Variants in ADSL observed in about 807,000 individuals in gnomAD.
The protein encoded by ADSL is adenylosuccinate lyase, also known as adenylosuccinase.
ADSL carries 44 observed loss-of-function variants against 62.1 expected under a neutral mutation model. That is an observed-to-expected ratio of 0.71 (90% CI 0.56 to 0.91). The LOEUF (loss-of-function observed/expected upper bound fraction) is 0.91, where lower values mean the gene tolerates loss of function less well. Among genes scored for constraint, ADSL ranks in the 40% least tolerant of loss-of-function variants. ADSL has a pLI of 0.00. For missense variants in ADSL, 531 were observed against 627.4 expected (o/e 0.85, Z 1.64); for synonymous variants, 198 against 220.5 (o/e 0.90, Z 0.90).
intron 2 of ADSL, 87 bp downstream of exon 2, chr22:40,350,122 A>T: frequency 1.5e-6 from 2 of 1,297,278 alleles, no homozygotes; most frequent in Admixed American, 3.9e-5. Context: ...TGAGGAAGTG[A>T]CACTATAGAT....
chr22:40,358,412 C>T (rs868668074), intron 4 of ADSL, among the ~76,000 whole-genome samples: 20 of 152,070 alleles, frequency 1.3e-4, no homozygotes, highest in Middle Eastern at 3.4e-3. Context: ...AGTGAGACCC[C>T]GTCACTACAA....
intron 2 of ADSL, among the ~76,000 whole-genome samples, chr22:40,350,837 T>A (rs1472208938): frequency 6.6e-6 from 1 of 151,978 alleles, no homozygotes; most frequent in Non-Finnish European, 1.5e-5. Flanking sequence ...GTCAGGCTGG[T>A]CTTGAACTCC....
At chr22:40,372,257 G>T (rs1483896765), downstream of ADSL, among the ~76,000 whole-genome samples, 1 of 151,432 alleles carries the variant, frequency 6.6e-6, no homozygotes, top group Non-Finnish European at 1.5e-5. Context: ...CTCCCGAGTA[G>T]CTGGGACTAT....
At chr22:40,382,969 T>C (rs17001869) in intron 2 of ADSL, among the ~76,000 whole-genome samples, 3,506 of 152,310 alleles carry the variant, frequency 0.023, 131 homozygotes, top group African/African-American at 0.081. Context: ...TGAAGGTAGA[T>C]TTCTTCAGAA....
intron 2 of ADSL, 102 bp downstream of exon 2, chr22:40,350,137 T>TC: frequency 8.4e-7 from 1 of 1,184,264 alleles, no homozygotes; most frequent in East Asian, 2.4e-5. Flanking sequence ...ATAGATCTTT[T>TC]TTTTTTTTTT....
rs2044942817 is a variant in ADSL at position 40,364,946 on chromosome 22, G to A, written c.1258G>A (p.Asp420Asn). The part of the protein sequence containing the change: ...AASVVKQEGG[D>N]NDLIERIQVD... ...TTCTGTGGTTAAGCAGGAAGGGGGT[G>A]ACAATGACCTCATAGAGCGTATCCA... Residue 420 changes from aspartate to asparagine, a missense_variant, in exon 12 of 13, where the codon GAC (aspartate) becomes AAC (asparagine). Physicochemically the swap from Asp to Asn is conservative, Grantham distance 23 (BLOSUM62 1). Around this residue, in one of 2 missense-constraint regions of ADSL, gnomAD observed 471 missense variants for 592.9 expected, o/e 0.79. Coordinates refer to ENST00000623063, the MANE Select transcript of ADSL (RefSeq NM_000026.4). 6.2e-7 allele frequency: 1 copy of A among 1,614,192 alleles called. No individual in the cohort carries two copies. Among genetic ancestry groups the A allele is most frequent in the Non-Finnish European group, 8.5e-7 (1 of 1,180,036 alleles).
At chr22:40,384,880 T>G (rs962923110) in intron 2 of ADSL, among the ~76,000 whole-genome samples, 2 of 152,208 alleles carry the variant, frequency 1.3e-5, no homozygotes, top group African/African-American at 4.8e-5. Context: ...TGGCTAGAGA[T>G]AGAGATTTGT....
chr22:40,346,522 C>T lies in ADSL; in HGVS notation c.-37C>T, dbSNP rs372357778. 5 of 1,585,756 alleles carry T rather than the reference C, an allele frequency of 3.2e-6. No homozygotes were observed. Among genetic ancestry groups the T allele is most frequent in the Non-Finnish European group, 3.4e-6 (4 of 1,170,288 alleles). On this transcript the variant is annotated 5_prime_UTR_variant, in exon 1 of 13. Transcript: ENST00000623063. ...TCCAGGTTTCCGCTTCCGCTCTTCC[C>T]TGGTCCAGTCCACCCTGGCGGGGTC...
At chr22:40,364,475 A>G in intron 11 of ADSL, 110 bp downstream of exon 11, 1 of 946,438 alleles carries the variant, frequency 1.1e-6, no homozygotes, top group Non-Finnish European at 1.7e-6. Context: ...CTTCAGTCAC[A>G]GTAATGGTAC....
intron 5 of ADSL, 73 bp downstream of exon 5, chr22:40,359,108 T>G (rs2044672213): frequency 1.9e-5 from 30 of 1,602,916 alleles, no homozygotes; most frequent in Middle Eastern, 3.3e-4. Flanking sequence ...CCTTTGAGGA[T>G]GATAGGAGAG....
rs1334487344 is a variant in ADSL at position 40,369,254 on chromosome 22, G to A, written c.*2732G>A. 1 of 152,010 alleles carries A rather than the reference G, an allele frequency of 6.6e-6. No homozygotes were observed. The highest frequency in any genetic ancestry group is 1.9e-4 in the East Asian group (1 of 5,194). The allele number at this position is 152,010 out of a possible 1,614,324, so 9.4% of individuals were successfully genotyped here. A position where few individuals can be genotyped will look rare whatever the true frequency, so the allele number is the denominator to read the frequency against. Reference sequence around the variant, plus strand: ...TCTTCCTGGACTATTTGAATGGGTGGATTTGTTGGTGCATCTCTTGTCTTC... The same window carrying A: ...TCTTCCTGGACTATTTGAATGGGTGAATTTGTTGGTGCATCTCTTGTCTTC... On this transcript the variant is annotated 3_prime_UTR_variant, in exon 13 of 13. Transcript: ENST00000623063.
rs2146667709 is a variant in ADSL, at chr22:40,362,994, GC to G, written c.1026del (p.Glu343ArgfsTer10). The G allele has an allele frequency of 6.2e-7, 1 of 1,614,008 alleles. No individual in the cohort carries two copies. Among genetic ancestry groups the G allele is most frequent in the Non-Finnish European group, 8.5e-7 (1 of 1,179,908 alleles). On this transcript the variant is annotated frameshift_variant, in exon 10 of 13. Transcript: ENST00000623063. LOFTEE classifies it high-confidence loss of function. The part of the protein sequence containing the change: ...DDSANRRICL[A>X]EAFLTADTIL... The stretch of plus-strand genomic sequence containing the variant: ...TTTGTTTTCTAGACGGATCTGTTTG[GC>G]CGAGGCATTTCTTACCGCAGATACT...
Position 40,366,833 on chromosome 22 carries a change from T to C in ADSL, c.*311T>C. 2.8e-6 allele frequency: 1 copy of C among 354,702 alleles called. No homozygotes were observed. Among genetic ancestry groups the C allele is most frequent in the South Asian group, 2.5e-5 (1 of 40,660 alleles). 22.0% of individuals were successfully genotyped at this position (354,702 alleles called of 1,614,324 possible). ...CATTTGCTTGTAAAGTAGCAAGAAA[T>C]TTCTGGTCCTGTCTTCTAAAAGTGA... On this transcript the variant is annotated 3_prime_UTR_variant, in exon 13 of 13. Transcript: ENST00000623063.
intron 2 of ADSL, among the ~76,000 whole-genome samples, chr22:40,382,563 T>G (rs976688142): frequency 6.6e-6 from 1 of 152,152 alleles, no homozygotes; most frequent in African/African-American, 2.4e-5. Context: ...GGGAACAAGG[T>G]GAAAATGCAT....
intron 12 of ADSL, among the ~76,000 whole-genome samples, chr22:40,365,971 C>T (rs1258621223): frequency 6.6e-6 from 1 of 151,914 alleles, no homozygotes; most frequent in Admixed American, 6.6e-5. Flanking sequence ...GCAGTACGTG[C>T]AAGGACTGAG....
downstream of ADSL, among the ~76,000 whole-genome samples, chr22:40,370,184 A>G (rs1400361154): frequency 2.0e-5 from 3 of 151,952 alleles, no homozygotes; most frequent in Non-Finnish European, 4.4e-5. Flanking sequence ...TACTAAAAAT[A>G]CTGTACTAAA....
intron 2 of ADSL, among the ~76,000 whole-genome samples, chr22:40,386,024 T>TG (rs1288988617): frequency 1.4e-5 from 2 of 141,172 alleles, no homozygotes; most frequent in Non-Finnish European, 3.1e-5. Context: ...GCTAATTTTT[T>TG]GTTTTTTTTT....
chr22:40,354,145 A>T, intron 3 of ADSL, 103 bp from the exon 4 acceptor site: 1 of 1,019,410 alleles, frequency 9.8e-7, no homozygotes, highest in Non-Finnish European at 1.6e-6. Context: ...TTCATGAGTT[A>T]GCGGTCTAAT....
At chr22:40,350,447 T>C (rs556052917) in intron 2 of ADSL, 2 of 187,322 alleles carry the variant, frequency 1.1e-5, no homozygotes, top group Non-Finnish European at 2.2e-5. Flanking sequence ...TTTAAAGGTA[T>C]CTTGGTTGAA....
Sources: allele counts gnomAD v4.1 joint callset (sites outside exome capture counted in the v4.1 genomes callset), GRCh38; gene constraint gnomAD v4.1.1; regional missense constraint gnomAD v4.1.1; transcripts MANE v1.5; gene names NCBI Gene and HGNC (gene_info 2026-07-23, HGNC 2026-07-21).